The following FHOD3 variants were observed in gnomAD, a reference collection of about 807,000 sequenced individuals.
FHOD3 encodes the protein FH1/FH2 domain-containing protein 3.
Under a neutral mutation model 173.0 loss-of-function variants are expected in FHOD3, and 90 were observed. The ratio of observed to expected loss-of-function variants is 0.52; its 90% CI spans 0.44 to 0.62. FHOD3 has a LOEUF of 0.62. Among genes scored for constraint, FHOD3 ranks in the 20% least tolerant of loss-of-function variants. The pLI is 0.00. For synonymous variants in FHOD3, 828 were observed against 823.0 expected, an observed-to-expected ratio of 1.01 and a Z score of -0.10; for missense variants, 1,945 against 2,034.7, an observed-to-expected ratio of 0.96 and a Z score of 0.85.
intron 14 of FHOD3, among the ~76,000 whole-genome samples, chr18:36,673,677 G>A (rs1221924621): frequency 6.6e-6 from 1 of 152,094 alleles, no homozygotes; most frequent in South Asian, 2.1e-4. Flanking sequence ...CACACTCAGC[G>A]GGAAGGAGGG....
intron 18 of FHOD3, among the ~76,000 whole-genome samples, chr18:36,717,248 G>A (rs1234443188): frequency 6.6e-6 from 1 of 152,224 alleles, no homozygotes; most frequent in East Asian, 1.9e-4. Flanking sequence ...AGAAGAGAGG[G>A]CTATGGAAAG....
intron 5 of FHOD3, among the ~76,000 whole-genome samples, chr18:36,567,961 T>C (rs928874525): frequency 3.9e-5 from 6 of 151,976 alleles, no homozygotes; most frequent in African/African-American, 1.2e-4. Context: ...TGTGGCTAGC[T>C]ATAGTCATGG....
rs372841247 is a variant in FHOD3 at position 36,458,630 on chromosome 18, A to G, written c.338-43302A>G. 1.7e-4 allele frequency among the ~76,000 whole-genome samples: 26 copies of G among 149,036 alleles called. No individual in the cohort carries two copies. The East Asian group carries it at 3.2e-3, about 18-fold the overall frequency. On this transcript the variant is annotated intron_variant, in intron 3 of 28. Transcript: ENST00000590592. ...GTGTGACAGGCTCATGTGTTTTAAC[A>G]GTACATTCATGGTTTTCTGGTTTGT...
chr18:36,567,113 G>A (rs1348410623), intron 5 of FHOD3, among the ~76,000 whole-genome samples: 1 of 152,178 alleles, frequency 6.6e-6, no homozygotes, highest in Non-Finnish European at 1.5e-5. Context: ...ACTGAGGTAG[G>A]CAGGATGAGG....
chr18:36,686,144 T>C (rs1234100981), intron 15 of FHOD3, among the ~76,000 whole-genome samples: 1 of 151,950 alleles, frequency 6.6e-6, no homozygotes, highest in African/African-American at 2.4e-5. Flanking sequence ...CTTAAAGACA[T>C]ATGCATACGT....
At chr18:36,613,722 A>G (rs939529889) in intron 9 of FHOD3, among the ~76,000 whole-genome samples, 1 of 152,060 alleles carries the variant, frequency 6.6e-6, no homozygotes, top group Non-Finnish European at 1.5e-5. Context: ...TGCCCAGGCT[A>G]GAGTGTGGTG....
intron 19 of FHOD3, among the ~76,000 whole-genome samples, chr18:36,719,671 C>T (rs1379290556): frequency 3.3e-5 from 5 of 152,190 alleles, no homozygotes; most frequent in African/African-American, 9.6e-5. Context: ...TTGCTGCATG[C>T]ATTTATCATC....
chr18:36,641,437 T>C (rs138868409), intron 10 of FHOD3, among the ~76,000 whole-genome samples: 1 of 152,356 alleles, frequency 6.6e-6, no homozygotes, highest in East Asian at 1.9e-4. Context: ...GAATGTCATG[T>C]ACAAAATTCC....
At chr18:36,322,151 G>A (rs983966696) in intron 1 of FHOD3, among the ~76,000 whole-genome samples, 1 of 152,160 alleles carries the variant, frequency 6.6e-6, no homozygotes, top group Non-Finnish European at 1.5e-5. Context: ...TTCTGTGATG[G>A]TGGGAGAAAT....
intron 3 of FHOD3, among the ~76,000 whole-genome samples, chr18:36,461,789 G>T (rs1209323928): frequency 6.6e-6 from 1 of 152,262 alleles, no homozygotes; most frequent in African/African-American, 2.4e-5. Context: ...TGTCTGTTGG[G>T]TAAGAACCAA....
intron 5 of FHOD3, among the ~76,000 whole-genome samples, chr18:36,514,024 T>G (rs1342488053): frequency 7.1e-6 from 1 of 141,632 alleles, no homozygotes; most frequent in Non-Finnish European, 1.6e-5. Context: ...CTTTTTTTTT[T>G]TTGAGATGGA....
intron 6 of FHOD3, among the ~76,000 whole-genome samples, chr18:36,589,193 A>AC (rs769517825): frequency 1.3e-5 from 2 of 152,160 alleles, no homozygotes; most frequent in Non-Finnish European, 2.9e-5. Context: ...CTGCTTTTGC[A>AC]CCCCCCGTAT....
chr18:36,626,745 A>G (rs538596571), intron 10 of FHOD3, among the ~76,000 whole-genome samples: 1 of 152,336 alleles, frequency 6.6e-6, no homozygotes, highest in African/African-American at 2.4e-5. Context: ...AGGCTACATT[A>G]TGAGGAAGAA....
chr18:36,576,625 G>A, intron 6 of FHOD3, 80 bp downstream of exon 6: 1 of 1,124,464 alleles, frequency 8.9e-7, no homozygotes, highest in South Asian at 1.5e-5. Context: ...CAGTTTTGCA[G>A]AAAGAAATTT....
chr18:36,302,211 G>T (rs2091971798), intron 1 of FHOD3, among the ~76,000 whole-genome samples: 1 of 152,140 alleles, frequency 6.6e-6, no homozygotes, highest in African/African-American at 2.4e-5. Context: ...CATTGGATTA[G>T]CCTTGAGTGT....
chr18:36,614,338 T>C (rs2032990494), intron 9 of FHOD3, among the ~76,000 whole-genome samples: 1 of 152,270 alleles, frequency 6.6e-6, no homozygotes, highest in African/African-American at 2.4e-5. Context: ...ACTTTGTTCA[T>C]AGTTGTGCTG....
Position 36,504,077 on chromosome 18 carries a change from C to T in FHOD3, c.405+2078C>T, listed in dbSNP as rs144645672. Among the ~76,000 whole-genome samples, 301 of 152,284 alleles carry T rather than the reference C, an allele frequency of 2.0e-3. 5 individuals carry two copies. The East Asian group carries it at 0.041, about 21-fold the overall frequency. Reference sequence around the variant, plus strand: ...TTGAGATTACAGGCATCCACCACCACGCTTGGCTAATTTTTATATTTTTAG... The same window carrying T: ...TTGAGATTACAGGCATCCACCACCATGCTTGGCTAATTTTTATATTTTTAG... On this transcript the variant is annotated intron_variant, in intron 4 of 28. Transcript: ENST00000590592.
At chr18:36,706,987 C>CGA (rs1195798172) in intron 17 of FHOD3, among the ~76,000 whole-genome samples, 19 of 152,296 alleles carry the variant, frequency 1.2e-4, no homozygotes, top group African/African-American at 4.3e-4. Flanking sequence ...CCTAAATACT[C>CGA]TATTATCAGA....
intron 15 of FHOD3, 109 bp from the exon 16 acceptor site, chr18:36,687,019 G>A (rs2038664603): frequency 1.4e-6 from 1 of 712,334 alleles, no homozygotes; most frequent in Non-Finnish European, 2.3e-6. Context: ...CATTTCTGAG[G>A]CAGTGCCAGT....
Sources: allele counts gnomAD v4.1 joint callset (sites outside exome capture counted in the v4.1 genomes callset), GRCh38; gene constraint gnomAD v4.1.1; transcripts MANE v1.5; gene names NCBI Gene and HGNC (gene_info 2026-07-23, HGNC 2026-07-21).